Variants in SLK observed in about 807,000 individuals in gnomAD.
SLK encodes the protein STE20 like kinase.
A neutral mutation model predicts 147.7 loss-of-function variants in SLK; 67 were observed. The observed-to-expected ratio is 0.45, with a 90% CI of 0.37 to 0.56. The LOEUF (loss-of-function observed/expected upper bound fraction) is 0.56, where lower values mean the gene tolerates loss of function less well. Ranked by LOEUF, SLK falls within the 20% of genes least tolerant of loss-of-function variation. The pLI, the probability that SLK is intolerant of heterozygous loss-of-function variation, is 0.00. For missense variants in SLK, 1,136 were observed against 1,438.8 expected, an observed-to-expected ratio of 0.79 and a Z score of 3.41; for synonymous variants, 441 against 475.0, an observed-to-expected ratio of 0.93 and a Z score of 0.93.
At position 104,028,647 on chromosome 10, in the gene SLK, A is replaced by G. The variant is rs1844628217; in HGVS notation, c.*2927A>G. ...CTCTCAGGCATATGAGACCCACCTT[A>G]ATGAAGGGTCTCTGATTTCTTGAGC... On this transcript the variant is annotated 3_prime_UTR_variant, in exon 19 of 19. Coordinates refer to ENST00000369755, the MANE Select transcript of SLK (RefSeq NM_014720.4). 1 of 152,196 alleles carries G rather than the reference A, an allele frequency of 6.6e-6. No individual in the cohort carries two copies. The highest frequency in any genetic ancestry group is 1.5e-5 in the Non-Finnish European group (1 of 68,044). The allele number at this position is 152,196 out of a possible 1,614,324, so 9.4% of individuals were successfully genotyped here.
At chr10:103,989,818 C>T (rs1844067902) in intron 1 of SLK, among the ~76,000 whole-genome samples, 1 of 152,102 alleles carries the variant, frequency 6.6e-6, no homozygotes, top group Admixed American at 6.5e-5. Context: ...CGATATGATC[C>T]AGCAGTTGTA....
chr10:104,011,136 A>G (rs982000276), intron 13 of SLK, among the ~76,000 whole-genome samples: 1 of 152,244 alleles, frequency 6.6e-6, no homozygotes, highest in African/African-American at 2.4e-5. Flanking sequence ...TTGACTCCAG[A>G]TGAAATAAAC....
At chr10:103,991,747 AAGGC>A (rs1221300134) in intron 2 of SLK, among the ~76,000 whole-genome samples, 3 of 152,090 alleles carry the variant, frequency 2.0e-5, no homozygotes, top group Admixed American at 6.5e-5. Context: ...TGAGGGAAAA[AAGGC>A]AGGAAGCTAC....
In SLK at chr10:104,005,584, A is replaced by G. The variant is rs758338367; in HGVS notation, c.2373A>G (p.Thr791=). The change falls in exon 10 of 19, where the codon ACA becomes ACG. Residue 791 remains threonine, a synonymous_variant. Transcript: ENST00000369755. Reference sequence around the variant, plus strand: ...AGGAAACAAGAAGACAAAAGAAAACATTGAAGAAAACACGCAAATTTATTG... The same window carrying G: ...AGGAAACAAGAAGACAAAAGAAAACGTTGAAGAAAACACGCAAATTTATTG... The part of the protein sequence containing the change: ...SLQETRRQKK[T]LKKTRKFIVD... 2.2e-5 allele frequency: 36 copies of G among 1,608,384 alleles called. No individual in the cohort carries two copies. The highest frequency in any genetic ancestry group is 6.8e-5 in the Admixed American group (4 of 58,458).
At chr10:104,013,570 G>A (rs1038952063) in intron 13 of SLK, among the ~76,000 whole-genome samples, 14 of 152,110 alleles carry the variant, frequency 9.2e-5, no homozygotes, top group Admixed American at 7.2e-4. Flanking sequence ...TATTCTTTTC[G>A]TTTACAAAAA....
At chr10:103,992,573 CTTTT>C (rs35624310) in intron 2 of SLK, 21 bp from the exon 3 acceptor site, 2,479 of 1,206,814 alleles carry the variant, frequency 2.1e-3, no homozygotes, top group Admixed American at 8.9e-3. Context: ...TAGACACACG[CTTTT>C]TTTTTTTTTT....
intron 1 of SLK, among the ~76,000 whole-genome samples, chr10:103,969,089 C>G (rs1262319518): frequency 6.6e-6 from 1 of 152,178 alleles, no homozygotes; most frequent in African/African-American, 2.4e-5. Context: ...CTGCCTCAGC[C>G]TCCCGTAGTA....
In SLK at chr10:104,003,116, T is replaced by TGGC; in HGVS notation, c.1938_1939insGGC (p.Ser646_Ser647insGly). ...AAGGTGAAGAAATCACTGAGTCAAG[T>TGGC]AGCACTGAAGAAATGGAGGTCAGAA... On this transcript the variant is annotated inframe_insertion, in exon 9 of 19. Coordinates refer to ENST00000369755, the MANE Select transcript of SLK (RefSeq NM_014720.4). The TGGC allele has an allele frequency of 1.2e-6, 2 of 1,614,126 alleles. No individual in the cohort carries two copies. The highest frequency in any genetic ancestry group is 1.7e-6 in the Non-Finnish European group (2 of 1,180,022).
At chr10:103,986,571 G>A (rs1453429046) in intron 1 of SLK, among the ~76,000 whole-genome samples, 3 of 152,064 alleles carry the variant, frequency 2.0e-5, no homozygotes, top group East Asian at 1.9e-4. Flanking sequence ...CCTGCTATGC[G>A]GCCTGGTTCC....
intron 11 of SLK, among the ~76,000 whole-genome samples, chr10:104,006,679 T>C (rs1392265905): frequency 1.3e-5 from 2 of 152,228 alleles, no homozygotes; most frequent in African/African-American, 4.8e-5. Flanking sequence ...AAAAGTATCA[T>C]TTGAAATGTT....
rs773178317 is a variant in SLK, at chr10:104,025,761, A to G, written c.*41A>G. On this transcript the variant is annotated 3_prime_UTR_variant, in exon 19 of 19. Transcript: ENST00000369755. ...TGTGCGTGGGTTTGGCTCTTTCAGT[A>G]TGTCATTCTGTTCTCATCTTCTGCC... 2.5e-6 allele frequency: 4 copies of G among 1,582,150 alleles called. No homozygotes were observed. In the South Asian group the frequency reaches 3.4e-5, roughly 13 times the overall value.
At chr10:103,988,535 G>A (rs956553834) in intron 1 of SLK, among the ~76,000 whole-genome samples, 1 of 152,048 alleles carries the variant, frequency 6.6e-6, no homozygotes, top group Non-Finnish European at 1.5e-5. Flanking sequence ...TGCAACCTCC[G>A]GCATAAATGG....
intron 1 of SLK, among the ~76,000 whole-genome samples, chr10:103,981,537 A>T (rs1368291274): frequency 6.6e-6 from 1 of 152,082 alleles, no homozygotes; most frequent in Non-Finnish European, 1.5e-5. Context: ...GGTGTTAGGT[A>T]AGGGTCCAAC....
intron 1 of SLK, among the ~76,000 whole-genome samples, chr10:103,987,477 G>A (rs377483096): frequency 6.6e-6 from 1 of 151,968 alleles, no homozygotes; most frequent in African/African-American, 2.4e-5. Flanking sequence ...TGCAAATGGT[G>A]CTTTGATGAG....
chr10:104,000,826 G>A (rs1342003115), intron 7 of SLK, among the ~76,000 whole-genome samples: 1 of 152,086 alleles, frequency 6.6e-6, no homozygotes, highest in Non-Finnish European at 1.5e-5. Context: ...GGGAGGCCGA[G>A]GCGGGTGGAT....
intron 1 of SLK, among the ~76,000 whole-genome samples, chr10:103,986,471 G>C (rs1844014723): frequency 6.6e-6 from 1 of 152,120 alleles, no homozygotes; most frequent in Admixed American, 6.5e-5. Context: ...CTGCTCATCT[G>C]ACAGGAGACA....
chr10:104,011,035 A>G (rs1336233933), intron 13 of SLK, 127 bp downstream of exon 13: 1 of 485,026 alleles, frequency 2.1e-6, no homozygotes, highest in Admixed American at 4.0e-5. Flanking sequence ...CCCATTCAAA[A>G]ACTCCTGGAA....
At chr10:103,994,546 A>G (rs1306963485) in intron 4 of SLK, among the ~76,000 whole-genome samples, 1 of 152,166 alleles carries the variant, frequency 6.6e-6, no homozygotes, top group Non-Finnish European at 1.5e-5. Flanking sequence ...GATGAGGGCA[A>G]TATCACCCAC....
Position 104,003,235 on chromosome 10 carries a change from TTCC to T in SLK, c.2058_2060del (p.Pro687del), listed in dbSNP as rs758111594. On this transcript the variant is annotated inframe_deletion, in exon 9 of 19. Coordinates refer to ENST00000369755, the MANE Select transcript of SLK (RefSeq NM_014720.4). ...CAGATAGATAAAGAGAAAAAAGAAA[TTCC>T]AGTGTCAATTAAAAAAGAGCCTGAA... 11 of 1,612,072 alleles carry T rather than the reference TTCC, an allele frequency of 6.8e-6. No homozygotes were observed. The East Asian group carries it at 2.2e-4, about 33-fold the overall frequency.
Sources: gnomAD v4.1 joint callset for allele counts (sites outside exome capture counted in the v4.1 genomes callset) on GRCh38, gnomAD v4.1.1 for gene constraint, MANE v1.5 for transcripts, NCBI Gene and HGNC (gene_info 2026-07-23, HGNC 2026-07-21) for gene names.